ADGRB3: variants seen among roughly 807,000 people sequenced by gnomAD.
ADGRB3 encodes adhesion G protein-coupled receptor B3.
A neutral mutation model predicts 193.4 loss-of-function variants in ADGRB3; 37 were observed. That is an observed-to-expected ratio of 0.19 (90% CI 0.15 to 0.25). ADGRB3 has a LOEUF of 0.25. Among genes scored for constraint, ADGRB3 ranks in the 10% least tolerant of loss-of-function variants. The probability of loss-of-function intolerance (pLI) is 1.00; values close to 1 mark genes in which losing one functional copy is unlikely to be tolerated. For synonymous variants in ADGRB3, 690 were observed against 644.2 expected (o/e 1.07, Z -1.08); for missense variants, 1,637 against 1,852.9 (o/e 0.88, Z 2.14).
chr6:69,175,754 C>T (rs999750591), intron 17 of ADGRB3, among the ~76,000 whole-genome samples: 5 of 152,172 alleles, frequency 3.3e-5, no homozygotes, highest in African/African-American at 1.2e-4. Context: ...GTGATATTGA[C>T]TGCCAATTCA....
At chr6:68,913,060 A>T (rs1448220959) in intron 3 of ADGRB3, among the ~76,000 whole-genome samples, 1 of 152,158 alleles carries the variant, frequency 6.6e-6, no homozygotes, top group Non-Finnish European at 1.5e-5. Flanking sequence ...GCAGCCAGGA[A>T]GCTCCAACAG....
At chr6:69,344,479 C>A (rs1769043491) in intron 26 of ADGRB3, among the ~76,000 whole-genome samples, 1 of 152,116 alleles carries the variant, frequency 6.6e-6, no homozygotes, top group East Asian at 1.9e-4. Flanking sequence ...ATGCACATGG[C>A]AGTGAATATG....
chr6:68,995,360 G>T (rs938345679), intron 11 of ADGRB3, among the ~76,000 whole-genome samples: 3 of 152,104 alleles, frequency 2.0e-5, no homozygotes, highest in African/African-American at 7.2e-5. Context: ...GAAACATTAG[G>T]TAAAGTACTC....
chr6:69,207,969 C>T (rs1582545561), intron 17 of ADGRB3, among the ~76,000 whole-genome samples: 2 of 152,202 alleles, frequency 1.3e-5, no homozygotes, highest in Admixed American at 6.5e-5. Flanking sequence ...TATAATCAAC[C>T]TGCCACCAGG....
intron 19 of ADGRB3, among the ~76,000 whole-genome samples, chr6:69,238,584 C>G (rs1219248036): frequency 6.6e-6 from 1 of 151,926 alleles, no homozygotes; most frequent in African/African-American, 2.4e-5. Context: ...GAGTAGCAGC[C>G]TAATTACATT....
intron 17 of ADGRB3, among the ~76,000 whole-genome samples, chr6:69,148,967 T>A (rs314203): frequency 0.96 from 146,014 of 152,108 alleles, 70,384 homozygotes; most frequent in East Asian, 1. Flanking sequence ...TCCTTTCTTT[T>A]TCCTTGACTT....
chr6:69,318,207 A>G (rs1157896630), intron 20 of ADGRB3, among the ~76,000 whole-genome samples: 1 of 151,458 alleles, frequency 6.6e-6, no homozygotes, highest in Admixed American at 6.6e-5. Flanking sequence ...GATTTTCAGT[A>G]CAAGATTTCA....
chr6:68,930,631 A>ATGAAAAAAGGGTTCATGAAAAAAG lies in ADGRB3; in HGVS notation c.830_831insTGAAAAAAGGGTTCATGAAAAAAG (p.Gln277delinsHisGluLysArgValHisGluLysArg). 2 of 1,612,356 alleles carry ATGAAAAAAGGGTTCATGAAAAAAG rather than the reference A, an allele frequency of 1.2e-6. No homozygotes were observed. The highest frequency in any genetic ancestry group is 1.7e-6 in the Non-Finnish European group (2 of 1,179,030). On this transcript the variant is annotated protein_altering_variant, in exon 4 of 32. Transcript: ENST00000370598. Reference sequence around the variant, plus strand: ...TCTGTTCATGAAAAAAGGGTCCCTCAGGAACAAGCTGATGCTGCTAAATTT... The same window carrying ATGAAAAAAGGGTTCATGAAAAAAG: ...TCTGTTCATGAAAAAAGGGTCCCTCATGAAAAAAGGGTTCATGAAAAAAGGGAACAAGCTGATGCTGCTAAATTT...
chr6:69,328,218 G>A (rs1007638153), intron 22 of ADGRB3, among the ~76,000 whole-genome samples: 2 of 152,072 alleles, frequency 1.3e-5, no homozygotes, highest in Admixed American at 1.3e-4. Flanking sequence ...TTTAGAACGT[G>A]GTGCTGCTAT....
intron 20 of ADGRB3, among the ~76,000 whole-genome samples, chr6:69,318,076 C>T (rs1768356717): frequency 6.6e-6 from 1 of 151,086 alleles, no homozygotes; most frequent in Non-Finnish European, 1.5e-5. Context: ...TTATTTTTGT[C>T]TTTTCTTGTA....
chr6:69,012,463 T>G (rs1289374938), intron 11 of ADGRB3, among the ~76,000 whole-genome samples: 2 of 152,038 alleles, frequency 1.3e-5, no homozygotes, highest in African/African-American at 4.8e-5. Flanking sequence ...ACTCTGAAGG[T>G]TAATTCTTTC....
chr6:68,707,042 C>T lies in ADGRB3; in HGVS notation c.757+67610C>T, dbSNP rs186947361. Among the ~76,000 whole-genome samples the T allele has an allele frequency of 9.1e-5, 13 of 142,478 alleles. No homozygotes were observed. In the East Asian group the frequency reaches 1.5e-3, roughly 16 times the overall value. 93.5% of individuals were successfully genotyped at this position (142,478 alleles called of 152,430 possible). A position where few individuals can be genotyped will look rare whatever the true frequency, so the allele number is the denominator to read the frequency against. ...AGGACAATGGTGTGAACCCAGGCGG[C>T]GGAGTTTGCAGTGAGCCAAGATTGC... On this transcript the variant is annotated intron_variant, in intron 3 of 31. Transcript: ENST00000370598.
intron 3 of ADGRB3, among the ~76,000 whole-genome samples, chr6:68,698,471 C>T (rs981555597): frequency 1.3e-5 from 2 of 151,804 alleles, no homozygotes; most frequent in South Asian, 2.1e-4. Flanking sequence ...TAGGAAGGTT[C>T]GTGTATTAAT....
At position 69,260,911 on chromosome 6, in the gene ADGRB3, C is replaced by G. The variant is rs1009818786; in HGVS notation, c.2814+21685C>G. 4.6e-5 allele frequency among the ~76,000 whole-genome samples: 7 copies of G among 152,212 alleles called. 1 individual carries two copies. In the South Asian group the frequency reaches 1.0e-3, roughly 23 times the overall value. ...TCTAAACTGTATTTAGGAATATTATCTCTCTGCAAATGGACCAAATCTGCC... is the reference window on the plus strand; with the variant it reads ...TCTAAACTGTATTTAGGAATATTATGTCTCTGCAAATGGACCAAATCTGCC... On this transcript the variant is annotated intron_variant, in intron 20 of 31. Transcript: ENST00000370598.
At chr6:68,664,642 A>C (rs1768755192) in intron 3 of ADGRB3, among the ~76,000 whole-genome samples, 1 of 151,776 alleles carries the variant, frequency 6.6e-6, no homozygotes. Flanking sequence ...ACCTGCCCAA[A>C]CTGACTAAGA....
intron 13 of ADGRB3, among the ~76,000 whole-genome samples, chr6:69,019,920 G>A (rs1280198545): frequency 2.6e-5 from 4 of 152,006 alleles, no homozygotes; most frequent in Admixed American, 6.6e-5. Context: ...GCAGATAAAG[G>A]AAAGAAAGTC....
At chr6:69,076,061 C>A (rs900421608) in intron 17 of ADGRB3, 23 bp downstream of exon 17, 14 of 1,607,734 alleles carry the variant, frequency 8.7e-6, no homozygotes, top group Non-Finnish European at 1.1e-5. Context: ...TGTTTTCCTA[C>A]ATTACTTTGG....
chr6:68,750,984 TC>T (rs771411671), intron 3 of ADGRB3, among the ~76,000 whole-genome samples: 1 of 152,174 alleles, frequency 6.6e-6, no homozygotes, highest in Non-Finnish European at 1.5e-5. Flanking sequence ...AGCCTATTGT[TC>T]CACTCTTCTG....
chr6:68,908,252 T>G (rs1766603621), intron 3 of ADGRB3, among the ~76,000 whole-genome samples: 1 of 152,082 alleles, frequency 6.6e-6, no homozygotes, highest in Non-Finnish European at 1.5e-5. Flanking sequence ...GTTTCTTTTT[T>G]TCTAATTAAC....
Sources: allele counts gnomAD v4.1 joint callset (sites outside exome capture counted in the v4.1 genomes callset), GRCh38; gene constraint gnomAD v4.1.1; transcripts MANE v1.5; gene names NCBI Gene and HGNC (gene_info 2026-07-23, HGNC 2026-07-21).